The following HS3ST2 variants were observed in gnomAD, a reference collection of about 807,000 sequenced individuals.
HS3ST2 encodes heparan sulfate-glucosamine 3-sulfotransferase 2, also known as heparan sulfate glucosamine 3-O-sulfotransferase 2.
HS3ST2 carries 17 observed loss-of-function variants against 26.3 expected under a neutral mutation model. The observed-to-expected ratio is 0.65, with a 90% CI of 0.44 to 0.97. HS3ST2 has a LOEUF of 0.97. Among genes scored for constraint, HS3ST2 ranks in the 50% least tolerant of loss-of-function variants. HS3ST2 has a pLI of 0.00. For missense variants in HS3ST2, 402 were observed against 501.2 expected (o/e 0.80, Z 1.89); for synonymous variants, 237 against 219.2 (o/e 1.08, Z -0.72).
chr16:22,861,007 G>T (rs2141189160), intron 1 of HS3ST2, among the ~76,000 whole-genome samples: 1 of 151,930 alleles, frequency 6.6e-6, no homozygotes, highest in Non-Finnish European at 1.5e-5. Flanking sequence ...TGAGTAGCCA[G>T]GACTACAGGC....
intron 1 of HS3ST2, among the ~76,000 whole-genome samples, chr16:22,863,725 C>T (rs1022213980): frequency 2.6e-5 from 4 of 152,304 alleles, no homozygotes; most frequent in Middle Eastern, 3.4e-3. Flanking sequence ...GCTCACAAGG[C>T]TCACACACAA....
At chr16:22,854,176 A>C (rs1901557577) in intron 1 of HS3ST2, among the ~76,000 whole-genome samples, 1 of 146,624 alleles carries the variant, frequency 6.8e-6, no homozygotes, top group Non-Finnish European at 1.5e-5. Flanking sequence ...CTGGGGTTGC[A>C]GGCTTCCAGA....
At chr16:22,911,948 C>A (rs575051584) in intron 1 of HS3ST2, among the ~76,000 whole-genome samples, 19 of 152,188 alleles carry the variant, frequency 1.2e-4, no homozygotes, top group African/African-American at 4.6e-4. Flanking sequence ...ATGGTGAAAC[C>A]CTGTCTCTAC....
chr16:22,815,228 G>A, intron 1 of HS3ST2, 133 bp downstream of exon 1: 1 of 1,196,640 alleles, frequency 8.4e-7, no homozygotes, highest in East Asian at 2.7e-5. Flanking sequence ...ACAGGGCCAT[G>A]GGGGGCTATA....
At position 22,915,567 on chromosome 16, in the gene HS3ST2, A is replaced by G; in HGVS notation, c.*5A>G. 3.1e-6 allele frequency: 5 copies of G among 1,608,088 alleles called. No individual in the cohort carries two copies. The highest frequency in any genetic ancestry group is 4.2e-6 in the Non-Finnish European group (5 of 1,176,946). On this transcript the variant is annotated 3_prime_UTR_variant, in exon 2 of 2. Transcript: ENST00000261374. ...CAGGACTTCAGGTGGGAATAAGCCC[A>G]CGAAAGGAAAGGGCTCTCAAGGGCT...
chr16:22,914,165 C>T (rs1490277527), intron 1 of HS3ST2, among the ~76,000 whole-genome samples: 1 of 151,804 alleles, frequency 6.6e-6, no homozygotes, highest in Non-Finnish European at 1.5e-5. Flanking sequence ...AAGCAATTCT[C>T]ATTTATCCCT....
chr16:22,877,519 G>T (rs1424961140), intron 1 of HS3ST2, among the ~76,000 whole-genome samples: 1 of 152,150 alleles, frequency 6.6e-6, no homozygotes, highest in Non-Finnish European at 1.5e-5. Context: ...TTTCTTTATT[G>T]GCTCATGAGA....
intron 1 of HS3ST2, among the ~76,000 whole-genome samples, chr16:22,822,198 T>G (rs2141174898): frequency 6.6e-6 from 1 of 152,288 alleles, no homozygotes; most frequent in Admixed American, 6.5e-5. Flanking sequence ...ATTATTTTCT[T>G]AATTTTTTTT....
At chr16:22,847,826 GA>G (rs566048268) in intron 1 of HS3ST2, among the ~76,000 whole-genome samples, 3 of 107,214 alleles carry the variant, frequency 2.8e-5, no homozygotes, top group African/African-American at 3.5e-5. Context: ...GGAGAAGAAA[GA>G]AAAAAATAAA....
intron 1 of HS3ST2, among the ~76,000 whole-genome samples, chr16:22,866,351 A>G (rs762939053): frequency 1.4e-5 from 2 of 144,046 alleles, no homozygotes; most frequent in Non-Finnish European, 3.1e-5. Flanking sequence ...ACACTAACCA[A>G]TTTGACAATA....
chr16:22,891,322 C>T (rs954378918), intron 1 of HS3ST2, among the ~76,000 whole-genome samples: 2 of 152,178 alleles, frequency 1.3e-5, no homozygotes, highest in African/African-American at 4.8e-5. Flanking sequence ...CGCATCGTCT[C>T]GAAGTCTTTC....
At chr16:22,820,312 GT>G (rs1900972954) in intron 1 of HS3ST2, among the ~76,000 whole-genome samples, 1 of 152,234 alleles carries the variant, frequency 6.6e-6, no homozygotes, top group Non-Finnish European at 1.5e-5. Flanking sequence ...GCTCAAGGAA[GT>G]TTTTTGAAGA....
chr16:22,826,344 A>C (rs1376762348), intron 1 of HS3ST2, among the ~76,000 whole-genome samples: 2 of 152,056 alleles, frequency 1.3e-5, no homozygotes, highest in East Asian at 3.9e-4. Flanking sequence ...CCCCCAGAGC[A>C]TCTCAGGTCT....
chr16:22,829,383 G>T (rs169660), intron 1 of HS3ST2, among the ~76,000 whole-genome samples: 3 of 151,918 alleles, frequency 2.0e-5, no homozygotes, highest in Non-Finnish European at 4.4e-5. Context: ...TCCCATTTAG[G>T]TAGGGTATTG....
intron 1 of HS3ST2, among the ~76,000 whole-genome samples, chr16:22,881,629 C>T (rs901200721): frequency 1.3e-5 from 2 of 152,192 alleles, no homozygotes; most frequent in Non-Finnish European, 2.9e-5. Flanking sequence ...ACTCTCACGA[C>T]AGAATCCTAA....
chr16:22,839,418 C>A (rs562214336), intron 1 of HS3ST2, among the ~76,000 whole-genome samples: 87 of 152,298 alleles, frequency 5.7e-4, no homozygotes, highest in African/African-American at 2.0e-3. Flanking sequence ...CCTGGAGCTT[C>A]AGAATAGTTG....
At chr16:22,837,920 C>G (rs936985099) in intron 1 of HS3ST2, among the ~76,000 whole-genome samples, 1 of 151,972 alleles carries the variant, frequency 6.6e-6, no homozygotes, top group South Asian at 2.1e-4. Context: ...CTTTTCAATT[C>G]TCTGCATATG....
chr16:22,906,123 AGCACTTTGGGAGGCTGAGGCAG>A (rs1452989871), intron 1 of HS3ST2, among the ~76,000 whole-genome samples: 1 of 152,170 alleles, frequency 6.6e-6, no homozygotes, highest in Non-Finnish European at 1.5e-5. Context: ...CTGTAATCCC[AGCACTTTGGGAGGCTGAGGCAG>A]GCAGATCACG....
intron 1 of HS3ST2, among the ~76,000 whole-genome samples, chr16:22,819,098 C>T (rs1173347877): frequency 1.4e-4 from 2 of 13,820 alleles, no homozygotes; most frequent in African/African-American, 1.6e-3. Flanking sequence ...CTTCCTCCCT[C>T]CCTCCCTTCC....
Sources: allele counts gnomAD v4.1 joint callset (sites outside exome capture counted in the v4.1 genomes callset), GRCh38; gene constraint gnomAD v4.1.1; transcripts MANE v1.5; gene names NCBI Gene and HGNC (gene_info 2026-07-23, HGNC 2026-07-21).